CBY1: variants seen among roughly 807,000 people sequenced by gnomAD.
CBY1 encodes protein chibby homolog 1.
In CBY1, 10 loss-of-function variants were observed where a neutral mutation model predicts 15.6. The observed-to-expected ratio is 0.64, with a 90% CI of 0.40 to 1.09. The LOEUF is 1.09. CBY1 is among the 50% of genes least tolerant of loss of function. The probability of loss-of-function intolerance (pLI) is 0.01; values close to 1 mark genes in which losing one functional copy is unlikely to be tolerated. For synonymous variants in CBY1, 61 were observed against 63.5 expected (o/e 0.96, Z 0.19); for missense variants, 150 against 160.5 (o/e 0.93, Z 0.35).
At chr22:38,670,760 A>AT in intron 2 of CBY1, 124 bp from the exon 3 acceptor site, 1 of 682,202 alleles carries the variant, frequency 1.5e-6, no homozygotes, top group East Asian at 2.5e-5. Context: ...TAAAAAAATC[A>AT]TTAAAGGTGC....
intron 1 of CBY1, among the ~76,000 whole-genome samples, chr22:38,666,930 CT>C (rs556969188): frequency 2.2e-4 from 34 of 151,904 alleles, no homozygotes; most frequent in African/African-American, 8.0e-4. Context: ...TCTCAAACTC[CT>C]GACCTCTTGA....
chr22:38,668,147 T>C lies in CBY1; in HGVS notation c.78+15T>C, dbSNP rs2092442254. On this transcript the variant is annotated intron_variant, in intron 2 of 4. Transcript: ENST00000216029. ...ACCTGCATTCTGTGAGTGTCGGTAC[T>C]GGGGTCGGCCGGGTGTGCAGCATGA... is the stretch of plus-strand genomic sequence containing the variant. 6.6e-7 allele frequency: 1 copy of C among 1,520,154 alleles called. No individual in the cohort carries two copies. The highest frequency in any genetic ancestry group is 1.4e-5 in the African/African-American group (1 of 73,118). 94.2% of individuals were successfully genotyped at this position (1,520,154 alleles called of 1,614,324 possible).
chr22:38,658,626 G>A (rs1367344115), intron 1 of CBY1, among the ~76,000 whole-genome samples: 1 of 151,696 alleles, frequency 6.6e-6, no homozygotes, highest in East Asian at 1.9e-4. Context: ...ACAGGCTCCT[G>A]CCACCATGCC....
intron 1 of CBY1, among the ~76,000 whole-genome samples, chr22:38,665,371 G>A (rs2092433083): frequency 6.6e-6 from 1 of 152,146 alleles, no homozygotes; most frequent in Non-Finnish European, 1.5e-5. Context: ...GGCTGAGATG[G>A]GAGGATCACC....
At chr22:38,665,974 A>G (rs536972497) in intron 1 of CBY1, among the ~76,000 whole-genome samples, 43 of 151,974 alleles carry the variant, frequency 2.8e-4, no homozygotes, top group Admixed American at 2.5e-3. Flanking sequence ...AAAAAAAATC[A>G]TAAATAAAAA....
intron 1 of CBY1, among the ~76,000 whole-genome samples, chr22:38,666,233 A>ATATATAT (rs138485713): frequency 2.9e-5 from 4 of 139,200 alleles, no homozygotes; most frequent in Non-Finnish European, 4.7e-5. Context: ...ATATATATAT[A>ATATATAT]TTTTTTTTTC....
chr22:38,657,150 T>C, intron 1 of CBY1: 1 of 972,062 alleles, frequency 1.0e-6, no homozygotes. Context: ...TAAAGTAAGA[T>C]AATATATTTT....
chr22:38,673,524 G>T lies in CBY1; in HGVS notation c.*288G>T. The T allele has an allele frequency of 3.0e-6, 1 of 336,720 alleles. No homozygotes were observed. 20.9% of individuals were successfully genotyped at this position (336,720 alleles called of 1,614,324 possible). A position where few individuals can be genotyped will look rare whatever the true frequency, so the allele number is the denominator to read the frequency against. On this transcript the variant is annotated 3_prime_UTR_variant, in exon 5 of 5. Coordinates refer to ENST00000216029, the MANE Select transcript of CBY1 (RefSeq NM_015373.4). Reference sequence around the variant, plus strand: ...GCTTTTTGGTGCTCTCCACACACAAGCTCGCAAACACACATGTCCCAGAAT... The same window carrying T: ...GCTTTTTGGTGCTCTCCACACACAATCTCGCAAACACACATGTCCCAGAAT...
At chr22:38,673,134 C>T in intron 4 of CBY1, 25 bp from the exon 5 acceptor site, 1 of 1,561,604 alleles carries the variant, frequency 6.4e-7, no homozygotes, top group Non-Finnish European at 8.8e-7. Context: ...GTGCTGCTTG[C>T]TAACAGCCGC....
At chr22:38,672,024 G>A (rs1007241443) in intron 4 of CBY1, among the ~76,000 whole-genome samples, 9 of 151,876 alleles carry the variant, frequency 5.9e-5, no homozygotes, top group African/African-American at 2.2e-4. Flanking sequence ...AGCATTTTGG[G>A]AGGCCAAGGT....
chr22:38,663,207 A>G (rs922594862), intron 1 of CBY1, among the ~76,000 whole-genome samples: 1 of 152,172 alleles, frequency 6.6e-6, no homozygotes, highest in South Asian at 2.1e-4. Context: ...CTGTAATCTC[A>G]GCACTTTGGG....
chr22:38,673,092 G>A lies in CBY1; in HGVS notation c.304-67G>A, dbSNP rs1045872859. 2.7e-5 allele frequency: 30 copies of A among 1,124,850 alleles called. No individual in the cohort carries two copies. In the African/African-American group the frequency reaches 3.4e-4, roughly 13 times the overall value. The allele number at this position is 1,124,850 out of a possible 1,614,324, so 69.7% of individuals were successfully genotyped here. ...GGGCCTTTCCTCCGTGTGTAGGGCCGGCCTTGCTAACCCGAAACATTTCCT... is the reference window on the plus strand; with the variant it reads ...GGGCCTTTCCTCCGTGTGTAGGGCCAGCCTTGCTAACCCGAAACATTTCCT... On this transcript the variant is annotated intron_variant, in intron 4 of 4. Coordinates refer to ENST00000216029, the MANE Select transcript of CBY1 (RefSeq NM_015373.4).
intron 1 of CBY1, among the ~76,000 whole-genome samples, chr22:38,664,602 C>T (rs904045121): frequency 6.6e-6 from 1 of 151,978 alleles, no homozygotes; most frequent in Admixed American, 6.6e-5. Flanking sequence ...AATGCAACAC[C>T]ATTACATACC....
chr22:38,666,950 C>T (rs987447442), intron 1 of CBY1, among the ~76,000 whole-genome samples: 14 of 150,928 alleles, frequency 9.3e-5, no homozygotes, highest in African/African-American at 3.2e-4. Context: ...GATTTGCCCG[C>T]CTCGGCCTCC....
At chr22:38,669,011 T>C (rs983194245) in intron 2 of CBY1, among the ~76,000 whole-genome samples, 1 of 152,198 alleles carries the variant, frequency 6.6e-6, no homozygotes, top group Non-Finnish European at 1.5e-5. Flanking sequence ...CTCTAGGACA[T>C]CCTCTGTCCT....
intron 1 of CBY1, among the ~76,000 whole-genome samples, chr22:38,665,932 G>A (rs2092434514): frequency 6.6e-6 from 1 of 151,802 alleles, no homozygotes; most frequent in African/African-American, 2.4e-5. Flanking sequence ...CTATTTACAA[G>A]GCTGAGGCAC....
intron 1 of CBY1, chr22:38,667,685 C>T: frequency 4.5e-6 from 1 of 224,426 alleles, no homozygotes; most frequent in Non-Finnish European, 8.8e-6. Context: ...CTGTGTGAGG[C>T]AGAAGGCTCA....
intron 2 of CBY1, among the ~76,000 whole-genome samples, chr22:38,669,203 T>G (rs931871502): frequency 1.2e-4 from 18 of 152,142 alleles, no homozygotes; most frequent in African/African-American, 4.3e-4. Flanking sequence ...TTCCCCGTTA[T>G]TACAGGATAA....
At position 38,668,138 on chromosome 22, in the gene CBY1, T is replaced by C. The variant is rs773492608; in HGVS notation, c.78+6T>C. ...CTCTCTCCAACCTGCATTCTGTGAG[T>C]GTCGGTACTGGGGTCGGCCGGGTGT... On this transcript the variant is annotated splice_donor_region_variant and intron_variant, in intron 2 of 4. Transcript: ENST00000216029. 45 of 1,564,364 alleles carry C rather than the reference T, an allele frequency of 2.9e-5. No homozygotes were observed. The East Asian group carries it at 9.4e-4, about 33-fold the overall frequency.
Sources: allele counts gnomAD v4.1 joint callset (sites outside exome capture counted in the v4.1 genomes callset), GRCh38; gene constraint gnomAD v4.1.1; transcripts MANE v1.5; gene names NCBI Gene and HGNC (gene_info 2026-07-23, HGNC 2026-07-21).